The following DNAH9 variants were observed in gnomAD, a reference collection of about 807,000 sequenced individuals.
The protein encoded by DNAH9 is dynein axonemal heavy chain 9, also known as DNAH9 variant protein.
In DNAH9, 345 loss-of-function variants were observed where a neutral mutation model predicts 471.6. That is an observed-to-expected ratio of 0.73 (90% CI 0.67 to 0.80). DNAH9 has a LOEUF of 0.80. Ranked by LOEUF, DNAH9 falls within the 30% of genes least tolerant of loss-of-function variation. DNAH9 has a pLI of 0.00. For synonymous variants in DNAH9, 2,093 were observed against 2,123.6 expected (o/e 0.99, Z 0.40); for missense variants, 5,407 against 5,609.2 (o/e 0.96, Z 1.15).
At chr17:11,911,351 C>CT (rs1973788058) in intron 61 of DNAH9, among the ~76,000 whole-genome samples, 1 of 152,182 alleles carries the variant, frequency 6.6e-6, no homozygotes, top group South Asian at 2.1e-4. Context: ...ATTGTAAGAG[C>CT]TTATTTCTGG....
chr17:11,628,242 C>T (rs1456479134), intron 6 of DNAH9, among the ~76,000 whole-genome samples: 4 of 152,186 alleles, frequency 2.6e-5, no homozygotes, highest in African/African-American at 4.8e-5. Flanking sequence ...TCCTGCTAGA[C>T]GTGCTCAGGA....
chr17:11,767,547 A>G (rs534151678), intron 36 of DNAH9, among the ~76,000 whole-genome samples: 2 of 152,266 alleles, frequency 1.3e-5, no homozygotes, highest in South Asian at 4.1e-4. Flanking sequence ...CAGCCTTTAA[A>G]CTGTCATTGT....
At chr17:11,884,038 GC>G (rs1198024799) in intron 56 of DNAH9, among the ~76,000 whole-genome samples, 3 of 152,122 alleles carry the variant, frequency 2.0e-5, no homozygotes, top group Non-Finnish European at 4.4e-5. Flanking sequence ...GGTATTCTGT[GC>G]AGGGAATGGT....
Position 11,951,598 on chromosome 17 carries a change from C to A in DNAH9, c.12843+9113C>A, listed in dbSNP as rs149781022. 3.5e-3 allele frequency among the ~76,000 whole-genome samples: 525 copies of A among 151,190 alleles called. 6 individuals carry two copies. Among genetic ancestry groups the A allele is most frequent in the African/African-American group, 0.012 (501 of 41,148 alleles). On this transcript the variant is annotated intron_variant, in intron 67 of 68. Coordinates refer to ENST00000262442, the MANE Select transcript of DNAH9 (RefSeq NM_001372.4). ...CCAGGAGTTTGTAGACCAGTCTGGG[C>A]AACATAGTGAGACCCTATCTTGAGG...
chr17:11,708,818 AT>A (rs137865469), intron 26 of DNAH9, among the ~76,000 whole-genome samples: 1,657 of 152,272 alleles, frequency 0.011, 34 homozygotes, highest in African/African-American at 0.038. Context: ...TGATAAATCT[AT>A]CCCCCGCTCT....
intron 14 of DNAH9, among the ~76,000 whole-genome samples, chr17:11,664,511 C>T (rs952235303): frequency 6.6e-6 from 1 of 152,214 alleles, no homozygotes; most frequent in Non-Finnish European, 1.5e-5. Flanking sequence ...TGCCCTGATG[C>T]AACTTCCTCC....
intron 29 of DNAH9, among the ~76,000 whole-genome samples, chr17:11,740,904 C>A (rs1423978978): frequency 1.3e-5 from 2 of 152,110 alleles, no homozygotes; most frequent in East Asian, 1.9e-4. Flanking sequence ...CCCAATACTG[C>A]AACAGTAGCG....
At chr17:11,916,476 T>C (rs1973961571) in intron 61 of DNAH9, among the ~76,000 whole-genome samples, 1 of 152,244 alleles carries the variant, frequency 6.6e-6, no homozygotes, top group Admixed American at 6.5e-5. Flanking sequence ...TTAGGACATA[T>C]ATTCTGGTGA....
At chr17:11,692,267 A>G (rs923549052) in intron 20 of DNAH9, among the ~76,000 whole-genome samples, 2 of 152,154 alleles carry the variant, frequency 1.3e-5, no homozygotes, top group African/African-American at 4.8e-5. Flanking sequence ...TGGGACTAAT[A>G]CTAGTATCTA....
intron 67 of DNAH9, among the ~76,000 whole-genome samples, chr17:11,945,886 G>A (rs1159613762): frequency 2.6e-5 from 4 of 150,962 alleles, no homozygotes; most frequent in African/African-American, 4.9e-5. Flanking sequence ...GTGAAACCCC[G>A]TCTCTACTAA....
rs570130343 is a variant in DNAH9 at position 11,916,159 on chromosome 17, G to A, written c.11750-7655G>A. 2.6e-5 allele frequency among the ~76,000 whole-genome samples: 4 copies of A among 152,228 alleles called. No homozygotes were observed. The East Asian group carries it at 7.7e-4, about 29-fold the overall frequency. ...TTATTCAGTATTTTCCCCTTTGGAA[G>A]CTTTCATATACCCTGTTTATGAGCA... On this transcript the variant is annotated intron_variant, in intron 61 of 68. Coordinates refer to ENST00000262442, the MANE Select transcript of DNAH9 (RefSeq NM_001372.4).
In DNAH9 at chr17:11,902,804, A is replaced by C; in HGVS notation, c.11492A>C (p.Glu3831Ala). The part of the protein sequence containing the change: ...AKSWKKFVES[E>A]CPEKEKLPQE... ...AGCTGGAAAAAGTTTGTGGAGTCCG[A>C]ATGTCCTGAGAAAGAGAAGCTCCCA... The change falls in exon 60 of 69, where the codon GAA becomes GCA. Residue 3831 changes from glutamate to alanine, a missense_variant. Glu to Ala is a moderately radical substitution (Grantham distance 107, BLOSUM62 -1). Around this residue, in one of 3 missense-constraint regions of DNAH9, gnomAD observed 4,636 missense variants for 4,900.3 expected, o/e 0.95. Transcript: ENST00000262442. 6.2e-7 allele frequency: 1 copy of C among 1,614,080 alleles called. No homozygotes were observed. The highest frequency in any genetic ancestry group is 8.5e-7 in the Non-Finnish European group (1 of 1,179,920).
intron 31 of DNAH9, 21 bp downstream of exon 31, chr17:11,745,105 C>A: frequency 2.5e-6 from 4 of 1,589,014 alleles, no homozygotes; most frequent in Non-Finnish European, 3.4e-6. Flanking sequence ...TTTTTCCTCC[C>A]AGGATTTCTC....
At chr17:11,647,270 G>C in intron 12 of DNAH9, 72 bp downstream of exon 12, 3 of 1,445,178 alleles carry the variant, frequency 2.1e-6, no homozygotes, top group Non-Finnish European at 2.9e-6. Flanking sequence ...TTTCAAAAGC[G>C]TAAAGACTTT....
intron 35 of DNAH9, among the ~76,000 whole-genome samples, chr17:11,761,791 G>A (rs1322449188): frequency 6.6e-6 from 1 of 152,106 alleles, no homozygotes; most frequent in East Asian, 1.9e-4. Flanking sequence ...TACCTTCCCT[G>A]TGCAGGAGGG....
intron 12 of DNAH9, among the ~76,000 whole-genome samples, chr17:11,649,790 ATATT>A (rs1286211246): frequency 4.6e-5 from 7 of 152,136 alleles, no homozygotes; most frequent in African/African-American, 1.4e-4. Context: ...TTACTCATGT[ATATT>A]TATTCTTCTT....
chr17:11,863,114 T>G (rs1231262818), intron 50 of DNAH9, among the ~76,000 whole-genome samples: 2 of 152,240 alleles, frequency 1.3e-5, no homozygotes, highest in Admixed American at 1.3e-4. Context: ...TCAAAGGGAA[T>G]GCTTCCAGTT....
At chr17:11,945,621 C>T (rs1222305003) in intron 67 of DNAH9, among the ~76,000 whole-genome samples, 1 of 151,408 alleles carries the variant, frequency 6.6e-6, no homozygotes, top group African/African-American at 2.4e-5. Flanking sequence ...AGTGGAATAA[C>T]CAATATTGGA....
chr17:11,701,260 T>C lies in DNAH9; in HGVS notation c.5151+13T>C. On this transcript the variant is annotated intron_variant, in intron 24 of 68. Transcript: ENST00000262442. ...CCACCCAGCTCAGGTATTCTCCTAA[T>C]GGGATCCCCATCCTCCATGGTTGGG... The C allele has an allele frequency of 2.5e-6, 4 of 1,612,374 alleles. No homozygotes were observed. Among genetic ancestry groups the C allele is most frequent in the East Asian group, 2.2e-5 (1 of 44,846 alleles).
Sources: gnomAD v4.1 joint callset for allele counts (sites outside exome capture counted in the v4.1 genomes callset) on GRCh38, gnomAD v4.1.1 for gene constraint, gnomAD v4.1.1 regional missense constraint, MANE v1.5 for transcripts, NCBI Gene and HGNC (gene_info 2026-07-23, HGNC 2026-07-21) for gene names.